The following LRR1 variants were observed in gnomAD, a reference collection of about 807,000 sequenced individuals.
The protein encoded by LRR1 is leucine rich repeat protein 1.
A neutral mutation model predicts 31.6 loss-of-function variants in LRR1; 29 were observed. The ratio of observed to expected loss-of-function variants is 0.92; its 90% confidence interval spans 0.68 to 1.25. The LOEUF is 1.25. Among genes scored for constraint, LRR1 ranks in the 50% most tolerant of loss-of-function variants. The probability of loss-of-function intolerance (pLI) is 0.00; values close to 1 mark genes in which losing one functional copy is unlikely to be tolerated. For missense variants in LRR1, 485 were observed against 487.2 expected (o/e 1.00, Z 0.04); for synonymous variants, 179 against 181.4 (o/e 0.99, Z 0.10).
chr14:49,606,329 TTTTG>T (rs1424691609), intron 2 of LRR1, among the ~76,000 whole-genome samples: 7 of 147,652 alleles, frequency 4.7e-5, no homozygotes, highest in African/African-American at 1.0e-4. Flanking sequence ...TCCCAGCCTT[TTTTG>T]TTTGTTTGTT....
rs776173270 is a variant in LRR1, at chr14:49,599,163, T to C, written c.143T>C (p.Leu48Pro). 3 of 1,609,308 alleles carry C rather than the reference T, an allele frequency of 1.9e-6. No individual in the cohort carries two copies. The highest frequency in any genetic ancestry group is 1.7e-6 in the Non-Finnish European group (2 of 1,178,120). The change falls in exon 1 of 4, where the codon CTC (leucine) becomes CCC (proline). Residue 48 changes from leucine to proline, a missense_variant. Physicochemically the swap from Leu to Pro is moderately conservative, Grantham distance 98. Around this residue, in one of 3 missense-constraint regions of LRR1, gnomAD observed 260 missense variants for 249.6 expected, o/e 1.04. Transcript: ENST00000298288. ...RSQPPVRAFL[L>P]ISTLKDKRGT... is the part of the protein sequence containing the mutation. ...CAGCCGCCGGTCCGAGCCTTCCTGCTCATCTCCACCCTGAAGGACAAGCGC... is the reference window on the plus strand; with the variant it reads ...CAGCCGCCGGTCCGAGCCTTCCTGCCCATCTCCACCCTGAAGGACAAGCGC...
Position 49,614,401 on chromosome 14 carries a change from G to C in LRR1, c.1150G>C (p.Val384Leu). ...MNLHSVAHTV[V>L]LVDNLGGTEA... ...TCTGCATTCTGTTGCCCACACTGTG[G>C]TCTTAGTAGATAATTTGGGTGGTAC... Residue 384 changes from valine (V) to leucine (L), a missense_variant, in exon 4 of 4, where the codon GTC becomes CTC. By Grantham distance (32) the Val-to-Leu change is conservative (BLOSUM62 1). Coordinates refer to ENST00000298288, the MANE Select transcript of LRR1 (RefSeq NM_152329.4). 6.2e-7 allele frequency: 1 copy of C among 1,613,966 alleles called. No individual in the cohort carries two copies. Among genetic ancestry groups the C allele is most frequent in the South Asian group, 1.1e-5 (1 of 91,082 alleles).
At position 49,607,889 on chromosome 14, in the gene LRR1, G is replaced by A. The variant is rs150690979; in HGVS notation, c.772G>A (p.Asp258Asn). The A allele has an allele frequency of 6.0e-5, 97 of 1,612,682 alleles. No individual in the cohort carries two copies. Among genetic ancestry groups the A allele is most frequent in the Non-Finnish European group, 7.5e-5 (88 of 1,179,080 alleles). ...LQELKNLKLD[D>N]NELIQFPCKI... is the part of the protein sequence containing the mutation. ...GGAACTTAAGAATTTAAAACTTGAC[G>A]ATAATGAATTGATTCAATTTCCTTG... is the stretch of plus-strand genomic sequence containing the variant. Residue 258 changes from aspartate (D) to asparagine (N), a missense_variant, in exon 3 of 4, where the codon GAT becomes AAT. Around this residue, in one of 3 missense-constraint regions of LRR1, gnomAD observed 210 missense variants for 200.4 expected, o/e 1.05. Coordinates refer to ENST00000298288, the MANE Select transcript of LRR1 (RefSeq NM_152329.4).
chr14:49,611,935 AAAAAG>A (rs1882529605), intron 3 of LRR1, among the ~76,000 whole-genome samples: 6 of 134,272 alleles, frequency 4.5e-5, no homozygotes, highest in Non-Finnish European at 9.9e-5. Flanking sequence ...AAAAAAAAAA[AAAAAG>A]AAAAGAAAGA....
At chr14:49,614,035 A>T (rs1882609352) in intron 3 of LRR1, among the ~76,000 whole-genome samples, 1 of 152,310 alleles carries the variant, frequency 6.6e-6, no homozygotes, top group Admixed American at 6.5e-5. Context: ...TGACTTTTTC[A>T]TTCCATTTAG....
rs973665915 is a variant in LRR1, at chr14:49,598,948, C to T, written c.-73C>T. The T allele has an allele frequency of 4.0e-5, 61 of 1,517,274 alleles. No individual in the cohort carries two copies. Among genetic ancestry groups the T allele is most frequent in the Non-Finnish European group, 5.1e-5 (57 of 1,124,518 alleles). The allele number at this position is 1,517,274 out of a possible 1,614,324, so 94.0% of individuals were successfully genotyped here. Reference sequence around the variant, plus strand: ...GGGCAGCCCGCGTGCGCGAGGACCCCGATGGCGGCGCCGGGTGGCGGGAAG... The same window carrying T: ...GGGCAGCCCGCGTGCGCGAGGACCCTGATGGCGGCGCCGGGTGGCGGGAAG... On this transcript the variant is annotated 5_prime_UTR_variant, in exon 1 of 4. Coordinates refer to ENST00000298288, the MANE Select transcript of LRR1 (RefSeq NM_152329.4).
At chr14:49,599,826 C>T (rs1881974361) in intron 1 of LRR1, among the ~76,000 whole-genome samples, 1 of 147,046 alleles carries the variant, frequency 6.8e-6, no homozygotes, top group African/African-American at 2.4e-5. Flanking sequence ...GGGCCTGCGG[C>T]CCTCTCCCCT....
intron 1 of LRR1, chr14:49,601,123 T>G (rs1882035610): frequency 1.2e-6 from 2 of 1,610,470 alleles, no homozygotes; most frequent in Non-Finnish European, 1.7e-6. Flanking sequence ...GGGCCATACC[T>G]GAGGAGAGAA....
At chr14:49,606,820 C>A (rs1420599769) in intron 2 of LRR1, among the ~76,000 whole-genome samples, 1 of 151,520 alleles carries the variant, frequency 6.6e-6, no homozygotes, top group Non-Finnish European at 1.5e-5. Flanking sequence ...CCACGCCCAG[C>A]TAATTTTTGT....
chr14:49,613,263 CG>C (rs1882579561), intron 3 of LRR1, among the ~76,000 whole-genome samples: 1 of 150,522 alleles, frequency 6.6e-6, no homozygotes. Flanking sequence ...GGCATGAACC[CG>C]GGAGGCGGAG....
chr14:49,605,930 C>T (rs1367433167), intron 2 of LRR1, among the ~76,000 whole-genome samples: 1 of 152,090 alleles, frequency 6.6e-6, no homozygotes, highest in Non-Finnish European at 1.5e-5. Flanking sequence ...CTCCACTTTA[C>T]GTTGGCATCT....
chr14:49,611,918 C>T (rs1162665952), intron 3 of LRR1, among the ~76,000 whole-genome samples: 3 of 102,742 alleles, frequency 2.9e-5, no homozygotes, highest in Admixed American at 1.1e-4. Flanking sequence ...AGTGAGACTG[C>T]GTCTCAAAAA....
At chr14:49,610,463 C>G (rs1169940439) in intron 3 of LRR1, among the ~76,000 whole-genome samples, 4 of 151,840 alleles carry the variant, frequency 2.6e-5, no homozygotes, top group African/African-American at 9.7e-5. Flanking sequence ...CCACGTTGGC[C>G]AGGCTGGTTT....
chr14:49,610,220 C>T (rs575958711), intron 3 of LRR1, among the ~76,000 whole-genome samples: 9 of 150,736 alleles, frequency 6.0e-5, no homozygotes, highest in Non-Finnish European at 1.3e-4. Flanking sequence ...TTCATGGACC[C>T]TGAGCACCAG....
chr14:49,602,901 T>A (rs374864587), intron 2 of LRR1, among the ~76,000 whole-genome samples: 3 of 152,102 alleles, frequency 2.0e-5, no homozygotes, highest in African/African-American at 4.8e-5. Context: ...AGTGGCACGA[T>A]CTCAGCTCAC....
chr14:49,602,949 C>A (rs193080277), intron 2 of LRR1, among the ~76,000 whole-genome samples: 51 of 152,228 alleles, frequency 3.4e-4, no homozygotes, highest in African/African-American at 1.1e-3. Flanking sequence ...AATTCTCCTG[C>A]CTCAGCCTCC....
At chr14:49,610,655 C>G (rs1882479363) in intron 3 of LRR1, among the ~76,000 whole-genome samples, 1 of 147,378 alleles carries the variant, frequency 6.8e-6, no homozygotes, top group Non-Finnish European at 1.5e-5. Context: ...CTCTGCCTCC[C>G]AGGTTCAAGC....
At chr14:49,608,406 A>ATTTTTTTTTTTTTT (rs71408651) in intron 3 of LRR1, among the ~76,000 whole-genome samples, 7 of 21,098 alleles carry the variant, frequency 3.3e-4, no homozygotes, top group Non-Finnish European at 5.8e-4. Context: ...ACATTGCTTG[A>ATTTTTTTTTTTTTT]TTTTTTTTTT....
intron 2 of LRR1, among the ~76,000 whole-genome samples, chr14:49,605,469 T>G (rs567324699): frequency 1.3e-5 from 2 of 152,344 alleles, no homozygotes; most frequent in South Asian, 4.1e-4. Context: ...CTTTACTGGT[T>G]TACTGAAAAC....
Sources: gnomAD v4.1 joint callset for allele counts (sites outside exome capture counted in the v4.1 genomes callset) on GRCh38, gnomAD v4.1.1 for gene constraint, gnomAD v4.1.1 regional missense constraint, MANE v1.5 for transcripts, NCBI Gene and HGNC (gene_info 2026-07-23, HGNC 2026-07-21) for gene names.